Variants in TMEM184C observed in about 807,000 individuals in gnomAD.
The protein encoded by TMEM184C is transmembrane protein 184C.
TMEM184C carries 25 observed loss-of-function variants against 54.5 expected under a neutral mutation model. The ratio of observed to expected loss-of-function variants is 0.46; its 90% CI spans 0.33 to 0.64. The LOEUF is 0.64. TMEM184C is among the 30% of genes least tolerant of loss of function. The pLI is 0.02. For missense variants in TMEM184C, 335 were observed against 520.3 expected, an observed-to-expected ratio of 0.64 and a Z score of 3.46; for synonymous variants, 148 against 181.5, an observed-to-expected ratio of 0.82 and a Z score of 1.49.
rs1319894294 is a variant in TMEM184C, at chr4:147,628,509, CAT to C, written c.572+76_572+77del. The C allele has an allele frequency of 6.4e-6, 8 of 1,243,600 alleles. No homozygotes were observed. The Admixed American group carries it at 1.1e-4, about 17-fold the overall frequency. The allele number at this position is 1,243,600 out of a possible 1,614,324, so 77.0% of individuals were successfully genotyped here. A position where few individuals can be genotyped will look rare whatever the true frequency, so the allele number is the denominator to read the frequency against. On this transcript the variant is annotated intron_variant, in intron 5 of 9. Coordinates refer to ENST00000296582, the MANE Select transcript of TMEM184C (RefSeq NM_018241.3). The stretch of plus-strand genomic sequence containing the variant: ...TATGTGGGAACAACTAAGTAGAAAA[CAT>C]AGTGTTAATGTGCTTATTTATAATG...
At position 147,631,450 on chromosome 4, in the gene TMEM184C, A is replaced by G; in HGVS notation, c.724A>G (p.Ile242Val). Residue 242 changes from isoleucine to valine, a missense_variant, in exon 7 of 10, where the codon ATC becomes GTC. Transcript: ENST00000296582. ...YKVLKEELSP[I>V]QPVGKFLCVK... Reference sequence around the variant, plus strand: ...AGTACTAAAAGAAGAACTGAGCCCAATCCAACCTGTTGGCAAATTTCTTTG... The same window carrying G: ...AGTACTAAAAGAAGAACTGAGCCCAGTCCAACCTGTTGGCAAATTTCTTTG... 1 of 1,608,068 alleles carries G rather than the reference A, an allele frequency of 6.2e-7. No homozygotes were observed. The highest frequency in any genetic ancestry group is 8.5e-7 in the Non-Finnish European group (1 of 1,178,776).
At chr4:147,629,469 T>A in intron 5 of TMEM184C, 130 bp from the exon 6 acceptor site, 1 of 618,476 alleles carries the variant, frequency 1.6e-6, no homozygotes, top group Non-Finnish European at 2.7e-6. Context: ...CTAAATTCTC[T>A]GTGTCCAAAG....
chr4:147,634,367 C>T lies in TMEM184C; in HGVS notation c.1250C>T (p.Ser417Phe). 1 of 1,614,160 alleles carries T rather than the reference C, an allele frequency of 6.2e-7. No individual in the cohort carries two copies. Among genetic ancestry groups the T allele is most frequent in the Non-Finnish European group, 8.5e-7 (1 of 1,180,014 alleles). ...PQTTPTTAKI[S>F]DEILSDTIGE... Reference sequence around the variant, plus strand: ...ACTACACCTACCACAGCTAAGATATCTGATGAAATCCTTAGTGATACTATA... The same window carrying T: ...ACTACACCTACCACAGCTAAGATATTTGATGAAATCCTTAGTGATACTATA... Residue 417 changes from serine (S) to phenylalanine (F), a missense_variant, in exon 10 of 10, where the codon TCT (serine) becomes TTT (phenylalanine). Ser to Phe is a radical substitution (Grantham distance 155). Transcript: ENST00000296582.
intron 3 of TMEM184C, 77 bp downstream of exon 3, chr4:147,624,175 T>C (rs1374790075): frequency 3.9e-6 from 5 of 1,277,896 alleles, no homozygotes; most frequent in Non-Finnish European, 5.5e-6. Flanking sequence ...CTTAAGATAA[T>C]GAAAGTATGT....
chr4:147,618,236 C>T (rs1419159106), intron 1 of TMEM184C, among the ~76,000 whole-genome samples, 157 bp downstream of exon 1: 3 of 152,146 alleles, frequency 2.0e-5, no homozygotes, highest in Non-Finnish European at 4.4e-5. Flanking sequence ...ATTTCTTGTT[C>T]ACGGTTCTTC....
At position 147,618,114 on chromosome 4, in the gene TMEM184C, T is replaced by G. The variant is rs567838520; in HGVS notation, c.123+35T>G. On this transcript the variant is annotated intron_variant, in intron 1 of 9. Transcript: ENST00000296582. ...TTCTGCACCATCAGCCTGTACACTT[T>G]CTTCTACCCATCTATGGTTGGGAAA... 2.0e-4 allele frequency: 328 copies of G among 1,612,504 alleles called. 4 individuals are homozygous for G. The South Asian group carries it at 3.4e-3, about 17-fold the overall frequency.
Position 147,627,977 on chromosome 4 carries a change from A to G in TMEM184C, c.498-384A>G, listed in dbSNP as rs531712962. ...CAGGAGGTCAAGAGTAGCCTGGGCA[A>G]CATAGTGAGACCCCATGTCTACAGA... On this transcript the variant is annotated intron_variant, in intron 4 of 9. Transcript: ENST00000296582. 6.6e-5 allele frequency among the ~76,000 whole-genome samples: 10 copies of G among 150,586 alleles called. No homozygotes were observed. The South Asian group carries it at 1.9e-3, about 29-fold the overall frequency.
intron 4 of TMEM184C, 24 bp downstream of exon 4, chr4:147,625,033 T>G: frequency 6.2e-7 from 1 of 1,611,064 alleles, no homozygotes. Flanking sequence ...GTTTAATTCT[T>G]TTATGTTTTG....
chr4:147,629,298 T>C (rs1732868818), intron 5 of TMEM184C, among the ~76,000 whole-genome samples: 1 of 152,100 alleles, frequency 6.6e-6, no homozygotes, highest in Non-Finnish European at 1.5e-5. Context: ...TTTTTAAATT[T>C]AGTACTCTTT....
intron 1 of TMEM184C, among the ~76,000 whole-genome samples, chr4:147,621,986 TTTC>T (rs1429600281): frequency 9.8e-4 from 21 of 21,424 alleles, no homozygotes; most frequent in South Asian, 0.012. Flanking sequence ...TCTTTTTTTC[TTTC>T]TTTTTTTTTT....
intron 1 of TMEM184C, among the ~76,000 whole-genome samples, chr4:147,620,804 A>G (rs1224168645): frequency 2.6e-5 from 4 of 152,226 alleles, no homozygotes; most frequent in African/African-American, 9.6e-5. Flanking sequence ...CAGGTTTGAG[A>G]GAAATTGAGT....
chr4:147,632,751 T>C (rs1214604431), intron 7 of TMEM184C, 152 bp from the exon 8 acceptor site: 1 of 546,816 alleles, frequency 1.8e-6, no homozygotes, highest in African/African-American at 1.9e-5. Flanking sequence ...ATTAATATAT[T>C]TAACATAGAG....
Position 147,618,087 on chromosome 4 carries a change from G to T in TMEM184C, c.123+8G>T. The T allele has an allele frequency of 6.2e-7, 1 of 1,613,956 alleles. No individual in the cohort carries two copies. The highest frequency in any genetic ancestry group is 2.2e-5 in the East Asian group (1 of 44,862). ...GAATTACAGAAACTGGAGGTAAGAG[G>T]GTTCTGCACCATCAGCCTGTACACT... On this transcript the variant is annotated splice_region_variant and intron_variant, in intron 1 of 9. Transcript: ENST00000296582.
At chr4:147,620,658 G>A (rs1032861228) in intron 1 of TMEM184C, among the ~76,000 whole-genome samples, 8 of 152,330 alleles carry the variant, frequency 5.3e-5, no homozygotes, top group South Asian at 2.1e-4. Context: ...CAAACAAGAC[G>A]TAGCAGGAAG....
chr4:147,618,074 CTG>C lies in TMEM184C; in HGVS notation c.119_120del (p.Leu40ArgfsTer38), dbSNP rs1732631961. The C allele has an allele frequency of 1.2e-6, 2 of 1,614,082 alleles. No individual in the cohort carries two copies. Among genetic ancestry groups the C allele is most frequent in the East Asian group, 2.2e-5 (1 of 44,880 alleles). The stretch of plus-strand genomic sequence containing the variant: ...CCTATGCGTGTGGGAATTACAGAAA[CTG>C]GAGGTAAGAGGGTTCTGCACCATCA... ...VPLCVWELQK[L>X]EVGIHTKAWF... On this transcript the variant is annotated frameshift_variant, in exon 1 of 10. Coordinates refer to ENST00000296582, the MANE Select transcript of TMEM184C (RefSeq NM_018241.3). LOFTEE classifies it high-confidence loss of function.
chr4:147,636,551 A>T lies in TMEM184C; in HGVS notation c.*2117A>T, dbSNP rs1402965753. The T allele has an allele frequency of 6.6e-6, 1 of 152,150 alleles. No individual in the cohort carries two copies. Among genetic ancestry groups the T allele is most frequent in the East Asian group, 1.9e-4 (1 of 5,198 alleles). The allele number at this position is 152,150 out of a possible 1,614,324, so 9.4% of individuals were successfully genotyped here. On this transcript the variant is annotated 3_prime_UTR_variant, in exon 10 of 10. Coordinates refer to ENST00000296582, the MANE Select transcript of TMEM184C (RefSeq NM_018241.3). ...GAGAACATAGGAGAAAAGTTCCTGG[A>T]CACTGACCCTTGGCAATGATTTTTT... is the stretch of plus-strand genomic sequence containing the variant.
chr4:147,617,837 C>A lies in TMEM184C; in HGVS notation c.-120C>A. 6.9e-7 allele frequency: 1 copy of A among 1,443,426 alleles called. No individual in the cohort carries two copies. The highest frequency in any genetic ancestry group is 9.6e-7 in the Non-Finnish European group (1 of 1,040,224). The allele number at this position is 1,443,426 out of a possible 1,614,324, so 89.4% of individuals were successfully genotyped here. A position where few individuals can be genotyped will look rare whatever the true frequency, so the allele number is the denominator to read the frequency against. On this transcript the variant is annotated 5_prime_UTR_variant, in exon 1 of 10. Transcript: ENST00000296582. ...AGGCGGCTCGAGCTGTTCGTAAAGT[C>A]GCCCGACAGCTTTTTCTCCGTAGTA...
At position 147,617,630 on chromosome 4, in the gene TMEM184C, C is replaced by G; in HGVS notation, c.-327C>G. ...TGCTGCTCTCCTGGAAGCCATGGTA[C>G]AGGCAGAGCTCAGGGCGATCCCCAG... On this transcript the variant is annotated 5_prime_UTR_variant, in exon 1 of 10. Transcript: ENST00000296582. The G allele has an allele frequency of 3.1e-6, 1 of 321,276 alleles. No homozygotes were observed. The highest frequency in any genetic ancestry group is 2.8e-5 in the South Asian group (1 of 35,598). The allele number at this position is 321,276 out of a possible 1,614,324, so 19.9% of individuals were successfully genotyped here. A position where few individuals can be genotyped will look rare whatever the true frequency, so the allele number is the denominator to read the frequency against.
chr4:147,624,399 A>G (rs182478821), intron 3 of TMEM184C, among the ~76,000 whole-genome samples: 316 of 150,220 alleles, frequency 2.1e-3, no homozygotes, highest in African/African-American at 7.8e-3. Flanking sequence ...ATTTGAATCA[A>G]AAATTTAAAA....
Sources: allele counts gnomAD v4.1 joint callset (sites outside exome capture counted in the v4.1 genomes callset), GRCh38; gene constraint gnomAD v4.1.1; transcripts MANE v1.5; gene names NCBI Gene and HGNC (gene_info 2026-07-23, HGNC 2026-07-21).